The following ABAT variants were observed in gnomAD, a reference collection of about 807,000 sequenced individuals.
The protein encoded by ABAT is 4-aminobutyrate aminotransferase.
Under a neutral mutation model 64.6 loss-of-function variants are expected in ABAT, and 45 were observed. The observed-to-expected ratio is 0.70, with a 90% CI of 0.55 to 0.89. The LOEUF is 0.89. ABAT is among the 40% of genes least tolerant of loss of function. ABAT has a pLI of 0.00. For missense variants in ABAT, 633 were observed against 658.4 expected (o/e 0.96, Z 0.42); for synonymous variants, 297 against 250.5 (o/e 1.19, Z -1.75).
Position 8,781,219 on chromosome 16 carries a change from G to A in ABAT, c.1382-90G>A. The stretch of plus-strand genomic sequence containing the variant: ...GATGGATGGATGGATGGATGGATGA[G>A]CGTTGCCAACAGGCATCACTTTCCC... On this transcript the variant is annotated intron_variant, in intron 15 of 15. Coordinates refer to ENST00000268251, the MANE Select transcript of ABAT (RefSeq NM_020686.6). The surrounding 1 kb of genome is among the most constrained non-coding windows in gnomAD (Gnocchi z 4.5). 6.3e-7 allele frequency: 1 copy of A among 1,583,534 alleles called. No homozygotes were observed. The highest frequency in any genetic ancestry group is 8.7e-7 in the Non-Finnish European group (1 of 1,155,010).
intron 13 of ABAT, among the ~76,000 whole-genome samples, chr16:8,775,505 C>T (rs1354136232): frequency 6.6e-6 from 1 of 152,056 alleles, no homozygotes; most frequent in Non-Finnish European, 1.5e-5. Context: ...GCCAGGATTC[C>T]AACCCAGAGC....
At position 8,782,642 on chromosome 16, in the gene ABAT, C is replaced by T. The variant is rs1286480543; in HGVS notation, c.*1212C>T. 1 of 152,278 alleles carries T rather than the reference C, an allele frequency of 6.6e-6. No individual in the cohort carries two copies. Among genetic ancestry groups the T allele is most frequent in the Non-Finnish European group, 1.5e-5 (1 of 68,082 alleles). 9.4% of individuals were successfully genotyped at this position (152,278 alleles called of 1,614,324 possible). ...TATGGAGATTACCAGGCAGATGATACCGAAATGCTTAAAGGGGCTGTGGCT... is the reference window on the plus strand; with the variant it reads ...TATGGAGATTACCAGGCAGATGATATCGAAATGCTTAAAGGGGCTGTGGCT... On this transcript the variant is annotated 3_prime_UTR_variant, in exon 16 of 16. Transcript: ENST00000268251.
intron 2 of ABAT, among the ~76,000 whole-genome samples, chr16:8,739,085 A>G (rs2059081127): frequency 6.6e-6 from 1 of 152,262 alleles, no homozygotes; most frequent in African/African-American, 2.4e-5. Context: ...CATTCATTCC[A>G]TAACTAAGGC....
intron 1 of ABAT, among the ~76,000 whole-genome samples, chr16:8,689,959 T>C (rs181524712): frequency 6.6e-5 from 10 of 152,276 alleles, no homozygotes; most frequent in Middle Eastern, 3.4e-3. Context: ...ACAACTATCC[T>C]AAGAACAATA....
intron 6 of ABAT, among the ~76,000 whole-genome samples, chr16:8,760,663 C>G (rs59948754): frequency 0.076 from 11,547 of 152,258 alleles, 1,291 homozygotes; most frequent in African/African-American, 0.24. Context: ...TTGTGCGAAT[C>G]CCAGATGCCT....
rs2143009688 is a variant in ABAT at position 8,782,656 on chromosome 16, G to C, written c.*1226G>C. The C allele has an allele frequency of 6.6e-6, 1 of 152,446 alleles. No individual in the cohort carries two copies. The highest frequency in any genetic ancestry group is 1.9e-4 in the East Asian group (1 of 5,194). 9.4% of individuals were successfully genotyped at this position (152,446 alleles called of 1,614,324 possible). On this transcript the variant is annotated 3_prime_UTR_variant, in exon 16 of 16. Transcript: ENST00000268251. ...GGCAGATGATACCGAAATGCTTAAA[G>C]GGGCTGTGGCTGAGGCTGTAGCATC...
chr16:8,693,959 A>G (rs1322763472), intron 1 of ABAT, among the ~76,000 whole-genome samples: 1 of 152,206 alleles, frequency 6.6e-6, no homozygotes, highest in Non-Finnish European at 1.5e-5. Context: ...AGAGTACAAT[A>G]TCACAACCAA....
At chr16:8,760,607 G>T (rs907737247) in intron 6 of ABAT, among the ~76,000 whole-genome samples, 10 of 152,334 alleles carry the variant, frequency 6.6e-5, no homozygotes, top group South Asian at 2.1e-4. Flanking sequence ...GAGGCCGGAG[G>T]CTCCCGAATG....
chr16:8,735,858 T>TCCAGACTAGGGATTAC, intron 2 of ABAT, 49 bp downstream of exon 2: 3 of 1,508,346 alleles, frequency 2.0e-6, no homozygotes, highest in Non-Finnish European at 2.7e-6. Flanking sequence ...GAAGATACCA[T>TCCAGACTAGGGATTAC]CCAGACTAGG....
At chr16:8,758,662 C>T (rs1415260621) in intron 6 of ABAT, among the ~76,000 whole-genome samples, 3 of 152,186 alleles carry the variant, frequency 2.0e-5, no homozygotes, top group Non-Finnish European at 2.9e-5. Flanking sequence ...TAGCAACTCT[C>T]TCCTGAGGTT....
intron 1 of ABAT, among the ~76,000 whole-genome samples, chr16:8,723,827 A>ATATTTTTTTT (rs1567286201): frequency 2.5e-5 from 1 of 40,348 alleles, no homozygotes; most frequent in Non-Finnish European, 4.0e-5. Context: ...ATATATATAT[A>ATATTTTTTTT]TTTTTTTTTT....
intron 1 of ABAT, among the ~76,000 whole-genome samples, chr16:8,690,139 C>G (rs2057546638): frequency 6.6e-6 from 1 of 152,152 alleles, no homozygotes; most frequent in East Asian, 1.9e-4. Flanking sequence ...TTCATTTTTG[C>G]TAGCAGTGGA....
intron 5 of ABAT, among the ~76,000 whole-genome samples, chr16:8,754,887 T>A (rs1354037841): frequency 6.6e-6 from 1 of 151,836 alleles, no homozygotes; most frequent in Non-Finnish European, 1.5e-5. Context: ...CTGGGCTAAT[T>A]TTTGTATTTT....
rs1159974621 is a variant in ABAT at position 8,764,704 on chromosome 16, G to A, written c.448-34G>A. ...GAAGCGGGAGGACAGGAGTCATGAT[G>A]AGCCTGGGCTCACGGCTATTTCCCT... On this transcript the variant is annotated intron_variant, in intron 7 of 15. Transcript: ENST00000268251. The surrounding 1 kb of genome is among the most constrained non-coding windows in gnomAD (Gnocchi z 4.2). The A allele has an allele frequency of 1.9e-6, 3 of 1,590,338 alleles. No individual in the cohort carries two copies. Among genetic ancestry groups the A allele is most frequent in the South Asian group, 1.1e-5 (1 of 90,576 alleles).
intron 6 of ABAT, 41 bp downstream of exon 6, chr16:8,757,847 C>T (rs1171097613): frequency 6.3e-7 from 1 of 1,590,584 alleles, no homozygotes; most frequent in South Asian, 1.1e-5. Flanking sequence ...AAAATATGTT[C>T]ATGGCCATTC....
chr16:8,727,997 G>A (rs1249466780), intron 1 of ABAT, among the ~76,000 whole-genome samples: 2 of 152,210 alleles, frequency 1.3e-5, no homozygotes, highest in Admixed American at 6.5e-5. Flanking sequence ...CTAGAGCCCG[G>A]GCGATAGAGG....
chr16:8,748,186 T>C (rs772454898), intron 4 of ABAT, 49 bp downstream of exon 4: 7 of 1,559,880 alleles, frequency 4.5e-6, no homozygotes, highest in South Asian at 1.1e-5. Flanking sequence ...TTATCACAAT[T>C]GAGCTAAAAG....
chr16:8,713,209 A>G (rs1291552350), intron 1 of ABAT: 1 of 151,744 alleles, frequency 6.6e-6, no homozygotes, highest in East Asian at 1.9e-4. Context: ...GCATCAGCAG[A>G]GTCCTGGGGA....
rs1641032 is a variant in ABAT at position 8,782,004 on chromosome 16, A to G, written c.*574A>G. On this transcript the variant is annotated 3_prime_UTR_variant, in exon 16 of 16. Coordinates refer to ENST00000268251, the MANE Select transcript of ABAT (RefSeq NM_020686.6). The stretch of plus-strand genomic sequence containing the variant: ...GGACAGGAGGATTCAGCTCAGGAGT[A>G]AGGGAAGAGGTCCTCTGGCCCCCTG... The G allele has an allele frequency of 0.37, 63,310 of 171,338 alleles. 12,047 individuals are homozygous for G. Among genetic ancestry groups the G allele is most frequent in the African/African-American group, 0.44 (18,605 of 41,920 alleles). 10.6% of individuals were successfully genotyped at this position (171,338 alleles called of 1,614,324 possible).
Sources: allele counts gnomAD v4.1 joint callset (sites outside exome capture counted in the v4.1 genomes callset), GRCh38; gene constraint gnomAD v4.1.1; non-coding constraint Gnocchi (gnomAD v3.1); transcripts MANE v1.5; gene names NCBI Gene and HGNC (gene_info 2026-07-23, HGNC 2026-07-21).